Variants in RTN3 observed in about 807,000 individuals in gnomAD.
RTN3 encodes reticulon-3.
In RTN3, 49 loss-of-function variants were observed where a neutral mutation model predicts 77.8. That is an observed-to-expected ratio of 0.63 (90% CI 0.50 to 0.80). RTN3 has a LOEUF of 0.80. RTN3 is among the 30% of genes least tolerant of loss of function. RTN3 has a pLI of 0.00. For synonymous variants in RTN3, 464 were observed against 446.9 expected, an observed-to-expected ratio of 1.04 and a Z score of -0.48; for missense variants, 1,236 against 1,211.9, an observed-to-expected ratio of 1.02 and a Z score of -0.29.
At chr11:63,682,961 T>C (rs1162120968) in intron 1 of RTN3, among the ~76,000 whole-genome samples, 2 of 152,130 alleles carry the variant, frequency 1.3e-5, no homozygotes, top group Non-Finnish European at 2.9e-5. Context: ...ATAATTTTGC[T>C]CTCTATTTAG....
chr11:63,755,419 G>T (rs2014323371), intron 7 of RTN3, among the ~76,000 whole-genome samples: 1 of 152,046 alleles, frequency 6.6e-6, no homozygotes, highest in Non-Finnish European at 1.5e-5. Context: ...GCGGAGGCAG[G>T]TGGATTGCCT....
intron 1 of RTN3, among the ~76,000 whole-genome samples, chr11:63,697,941 G>A (rs1354262081): frequency 6.6e-6 from 1 of 151,576 alleles, no homozygotes; most frequent in Non-Finnish European, 1.5e-5. Flanking sequence ...TTCCCTCAAC[G>A]TTGCCTCTCC....
chr11:63,716,979 CA>C (rs6144367), intron 2 of RTN3, among the ~76,000 whole-genome samples: 20 of 120,270 alleles, frequency 1.7e-4, no homozygotes, highest in African/African-American at 5.4e-4. Flanking sequence ...AAAAAAAAAA[CA>C]AAAAAAAAAA....
intron 1 of RTN3, among the ~76,000 whole-genome samples, chr11:63,703,237 C>T (rs1942334842): frequency 6.6e-6 from 1 of 152,126 alleles, no homozygotes; most frequent in South Asian, 2.1e-4. Context: ...AGGTTATATG[C>T]AAATACTATG....
At chr11:63,734,772 CACACACACA>C (rs1565333397) in intron 3 of RTN3, among the ~76,000 whole-genome samples, 105 of 149,494 alleles carry the variant, frequency 7.0e-4, no homozygotes, top group Middle Eastern at 7.0e-3. Context: ...CACACACACA[CACACACACA>C]CCATACTGGA....
Position 63,749,260 on chromosome 11 carries a change from C to G in RTN3, c.2531-731C>G, listed in dbSNP as rs2013973779. ...TGCCACTGCTCTCCAGCCCAGGTGACAGAGTGAGACGCTGTCTCAAAAAAG... is the reference window on the plus strand; with the variant it reads ...TGCCACTGCTCTCCAGCCCAGGTGAGAGAGTGAGACGCTGTCTCAAAAAAG... On this transcript the variant is annotated intron_variant, in intron 3 of 8. Transcript: ENST00000377819. 4.6e-5 allele frequency among the ~76,000 whole-genome samples: 7 copies of G among 152,174 alleles called. No individual in the cohort carries two copies. The South Asian group carries it at 1.2e-3, about 27-fold the overall frequency.
At chr11:63,710,894 G>A (rs148797576) in intron 2 of RTN3, among the ~76,000 whole-genome samples, 390 of 152,270 alleles carry the variant, frequency 2.6e-3, no homozygotes, top group Non-Finnish European at 4.5e-3. Flanking sequence ...CTTTGTGCTC[G>A]GTTATTAAAT....
rs148821064 is a variant in RTN3, at chr11:63,743,587, G to C, written c.2531-6404G>C. ...TGTAGTATTGCGTTTATTTATTGTT[G>C]TGTTTGGTTTGCTAAATTTTTGTTA... On this transcript the variant is annotated intron_variant, in intron 3 of 8. Coordinates refer to ENST00000377819, the MANE Select transcript of RTN3 (RefSeq NM_001265589.2). 2.6e-4 allele frequency among the ~76,000 whole-genome samples: 40 copies of C among 152,206 alleles called. No homozygotes were observed. The East Asian group carries it at 7.7e-3, about 29-fold the overall frequency.
intron 1 of RTN3, among the ~76,000 whole-genome samples, chr11:63,685,429 G>A (rs1941314118): frequency 6.9e-6 from 1 of 145,294 alleles, no homozygotes; most frequent in African/African-American, 2.6e-5. Context: ...CCAGGAGGCG[G>A]GAGTTGCAGT....
chr11:63,741,747 C>T lies in RTN3; in HGVS notation c.2531-8244C>T, dbSNP rs143000858. On this transcript the variant is annotated intron_variant, in intron 3 of 8. Coordinates refer to ENST00000377819, the MANE Select transcript of RTN3 (RefSeq NM_001265589.2). ...AATTTGTGACCTCAGGTGATCTTCCCGCCTCAGCCTCCCAAAGGGCTGGGA... is the reference window on the plus strand; with the variant it reads ...AATTTGTGACCTCAGGTGATCTTCCTGCCTCAGCCTCCCAAAGGGCTGGGA... Among the ~76,000 whole-genome samples, 4 of 151,562 alleles carry T rather than the reference C, an allele frequency of 2.6e-5. No individual in the cohort carries two copies. In the South Asian group the frequency reaches 8.4e-4, roughly 32 times the overall value.
intron 3 of RTN3, among the ~76,000 whole-genome samples, chr11:63,737,487 G>A (rs769889758): frequency 2.1e-4 from 32 of 152,134 alleles, no homozygotes; most frequent in Non-Finnish European, 3.4e-4. Context: ...ACGGGCACCC[G>A]TAGCCCCAGC....
intron 1 of RTN3, among the ~76,000 whole-genome samples, chr11:63,700,108 G>A (rs577749581): frequency 2.6e-5 from 4 of 152,122 alleles, no homozygotes; most frequent in Admixed American, 6.6e-5. Context: ...AAGGTGAAAA[G>A]GCAAACAGCT....
chr11:63,721,174 G>C (rs2011765480), intron 3 of RTN3, 142 bp downstream of exon 3: 1 of 670,284 alleles, frequency 1.5e-6, no homozygotes, highest in African/African-American at 1.8e-5. Flanking sequence ...GGGAAAGGCA[G>C]ATTCTTCTCC....
rs987186723 is a variant in RTN3, at chr11:63,681,659, C to T, written c.23C>T (p.Thr8Ile). The change falls in exon 1 of 9, where the codon ACT becomes ATT. Residue 8 changes from threonine (T) to isoleucine (I), a missense_variant. Coordinates refer to ENST00000377819, the MANE Select transcript of RTN3 (RefSeq NM_001265589.2). ...GCCATGGCGGAGCCGTCGGCGGCCACTCAGTCCCATTCCATCTCCTCGTCG... is the reference window on the plus strand; with the variant it reads ...GCCATGGCGGAGCCGTCGGCGGCCATTCAGTCCCATTCCATCTCCTCGTCG... Reference protein sequence around the residue: MAEPSAATQSHSISSSSF... With the variant: MAEPSAAIQSHSISSSSF... The T allele has an allele frequency of 1.2e-6, 2 of 1,606,764 alleles. No homozygotes were observed. The highest frequency in any genetic ancestry group is 3.4e-5 in the Admixed American group (2 of 58,966).
chr11:63,692,281 C>T (rs1313105352), intron 1 of RTN3, among the ~76,000 whole-genome samples: 1 of 152,018 alleles, frequency 6.6e-6, no homozygotes, highest in African/African-American at 2.4e-5. Flanking sequence ...CCTCGGCCTC[C>T]AAAAGTGCTG....
chr11:63,754,009 G>C (rs1235723542), intron 7 of RTN3, among the ~76,000 whole-genome samples: 1 of 152,204 alleles, frequency 6.6e-6, no homozygotes, highest in African/African-American at 2.4e-5. Context: ...AAATGCTTAG[G>C]CCAGGGGTGG....
At position 63,746,804 on chromosome 11, in the gene RTN3, G is replaced by A. The variant is rs577656713; in HGVS notation, c.2531-3187G>A. ...GCTGGGATTACAGGCGTGAGCCACCGCACCCGGCTGTTAAGGAAATTTAAC... is the reference window on the plus strand; with the variant it reads ...GCTGGGATTACAGGCGTGAGCCACCACACCCGGCTGTTAAGGAAATTTAAC... On this transcript the variant is annotated intron_variant, in intron 3 of 8. Transcript: ENST00000377819. 2.4e-4 allele frequency: 87 copies of A among 360,470 alleles called. 1 individual carries two copies. The highest frequency in any genetic ancestry group is 5.0e-4 in the South Asian group (24 of 47,786). The allele number at this position is 360,470 out of a possible 1,614,324, so 22.3% of individuals were successfully genotyped here.
intron 1 of RTN3, among the ~76,000 whole-genome samples, chr11:63,685,488 T>C (rs1941317833): frequency 2.7e-5 from 1 of 37,362 alleles, no homozygotes; most frequent in Non-Finnish European, 4.8e-5. Context: ...ACAGCAAGAC[T>C]CCATCTCAAA....
intron 2 of RTN3, among the ~76,000 whole-genome samples, chr11:63,705,922 T>G (rs907152263): frequency 6.6e-6 from 1 of 152,230 alleles, no homozygotes; most frequent in Non-Finnish European, 1.5e-5. Flanking sequence ...ATTATTTCAT[T>G]CGTGCTGTTT....
Sources: gnomAD v4.1 joint callset for allele counts (sites outside exome capture counted in the v4.1 genomes callset) on GRCh38, gnomAD v4.1.1 for gene constraint, MANE v1.5 for transcripts, NCBI Gene and HGNC (gene_info 2026-07-23, HGNC 2026-07-21) for gene names.